Variants in ZBTB20 observed in about 807,000 individuals in gnomAD.
The protein encoded by ZBTB20 is zinc finger and BTB domain-containing protein 20.
ZBTB20 carries 9 observed loss-of-function variants against 56.9 expected under a neutral mutation model. That is an observed-to-expected ratio of 0.16 (90% CI 0.10 to 0.28). The LOEUF is 0.28. Among genes scored for constraint, ZBTB20 ranks in the 10% least tolerant of loss-of-function variants. The probability of loss-of-function intolerance (pLI) is 1.00; values close to 1 mark genes in which losing one functional copy is unlikely to be tolerated. For synonymous variants in ZBTB20, 417 were observed against 420.7 expected (o/e 0.99, Z 0.11); for missense variants, 655 against 1,003.0 (o/e 0.65, Z 4.69).
At chr3:114,494,621 C>T (rs377456795) in intron 7 of ZBTB20, among the ~76,000 whole-genome samples, 1 of 152,180 alleles carries the variant, frequency 6.6e-6, no homozygotes, top group African/African-American at 2.4e-5. Flanking sequence ...AATTTGTAAG[C>T]ACAGGAGTTT....
intron 4 of ZBTB20, among the ~76,000 whole-genome samples, chr3:114,846,648 C>G (rs573178199): frequency 6.6e-6 from 1 of 152,278 alleles, no homozygotes; most frequent in East Asian, 1.9e-4. Context: ...AATACAAATT[C>G]ATTATTTTGC....
At chr3:114,971,976 A>G (rs1019528570) in intron 3 of ZBTB20, among the ~76,000 whole-genome samples, 1 of 150,316 alleles carries the variant, frequency 6.7e-6, no homozygotes, top group African/African-American at 2.5e-5. Flanking sequence ...AATGCAATCC[A>G]TCTCCAAATT....
chr3:114,332,572 A>C lies in ZBTB20; in HGVS notation c.*6433T>G, dbSNP rs1360840487. On this transcript the variant is annotated 3_prime_UTR_variant, in exon 12 of 12. Transcript: ENST00000675478. ...AGGAAAGTTTGGTGCCTCCTCAAGA[A>C]GTCACTATTTCCATAGTCCTCAATC... 1 of 152,232 alleles carries C rather than the reference A, an allele frequency of 6.6e-6. No homozygotes were observed. The highest frequency in any genetic ancestry group is 1.9e-4 in the East Asian group (1 of 5,202). The allele number at this position is 152,232 out of a possible 1,614,324, so 9.4% of individuals were successfully genotyped here.
intron 1 of ZBTB20, among the ~76,000 whole-genome samples, chr3:115,108,886 A>G (rs2083796870): frequency 6.6e-6 from 1 of 152,188 alleles, no homozygotes; most frequent in Non-Finnish European, 1.5e-5. Flanking sequence ...ACCATGGGGA[A>G]AAGTGGCACG....
intron 6 of ZBTB20, among the ~76,000 whole-genome samples, chr3:114,512,077 C>T (rs944037974): frequency 3.3e-5 from 5 of 152,198 alleles, no homozygotes; most frequent in Middle Eastern, 3.4e-3. Flanking sequence ...GTCTGTTAGA[C>T]CAATACAGTA....
At chr3:114,672,630 T>A (rs1322121450) in intron 6 of ZBTB20, among the ~76,000 whole-genome samples, 4 of 152,200 alleles carry the variant, frequency 2.6e-5, no homozygotes, top group African/African-American at 9.6e-5. Flanking sequence ...CATGCATATC[T>A]AACTGTTCTC....
chr3:114,711,210 A>G (rs2064054690), intron 5 of ZBTB20, among the ~76,000 whole-genome samples: 1 of 151,920 alleles, frequency 6.6e-6, no homozygotes, highest in Admixed American at 6.6e-5. Flanking sequence ...TTTTGTTTAC[A>G]TAATTATTGG....
intron 7 of ZBTB20, among the ~76,000 whole-genome samples, chr3:114,416,206 T>C (rs2088530899): frequency 6.6e-6 from 1 of 151,850 alleles, no homozygotes; most frequent in South Asian, 2.1e-4. Flanking sequence ...AATTTTGCTT[T>C]AGATAATGAG....
intron 7 of ZBTB20, among the ~76,000 whole-genome samples, chr3:114,469,941 GCATATGGAACGAAGGT>G (rs1028797725): frequency 2.0e-5 from 3 of 152,028 alleles, no homozygotes; most frequent in Non-Finnish European, 4.4e-5. Flanking sequence ...AATTAAAGAG[GCATATGGAACGAAGGT>G]CAAAATTACT....
intron 10 of ZBTB20, among the ~76,000 whole-genome samples, chr3:114,362,702 C>G (rs2082015464): frequency 6.6e-6 from 1 of 152,080 alleles, no homozygotes; most frequent in African/African-American, 2.4e-5. Context: ...TTCCATTTCC[C>G]CAGAGAGACA....
At chr3:114,956,113 T>A (rs1046287026) in intron 3 of ZBTB20, among the ~76,000 whole-genome samples, 3 of 152,164 alleles carry the variant, frequency 2.0e-5, no homozygotes, top group African/African-American at 7.2e-5. Context: ...GACAAAAGTA[T>A]GCAAAAAAAT....
chr3:114,992,127 T>C lies in ZBTB20; in HGVS notation c.-506-17711A>G, dbSNP rs144928094. 1.2e-3 allele frequency among the ~76,000 whole-genome samples: 178 copies of C among 152,068 alleles called. 1 individual carries two copies. Among genetic ancestry groups the C allele is most frequent in the African/African-American group, 4.2e-3 (173 of 41,512 alleles). On this transcript the variant is annotated intron_variant, in intron 2 of 11. Coordinates refer to ENST00000675478, the MANE Select transcript of ZBTB20 (RefSeq NM_001348800.3). ...CTCCACTAGACATACCCACTCTCTC[T>C]CACAAATAAATACTCACTGTATGAT...
chr3:114,986,756 A>G (rs1234394844), intron 2 of ZBTB20, among the ~76,000 whole-genome samples: 1 of 152,170 alleles, frequency 6.6e-6, no homozygotes, highest in East Asian at 1.9e-4. Context: ...TTGTGTTTTA[A>G]CACCAAAACA....
chr3:115,048,017 G>A (rs544372203), intron 2 of ZBTB20, among the ~76,000 whole-genome samples: 1 of 151,594 alleles, frequency 6.6e-6, no homozygotes, highest in Non-Finnish European at 1.5e-5. Context: ...TCAGGAGATC[G>A]AGACCATCCT....
At chr3:115,029,647 A>AT (rs535198639) in intron 2 of ZBTB20, among the ~76,000 whole-genome samples, 3 of 150,638 alleles carry the variant, frequency 2.0e-5, no homozygotes, top group South Asian at 2.1e-4. Context: ...AAAAACATAG[A>AT]TTTTTTTTCA....
At chr3:114,773,878 T>G (rs929681404) in intron 5 of ZBTB20, among the ~76,000 whole-genome samples, 2 of 152,206 alleles carry the variant, frequency 1.3e-5, no homozygotes, top group Non-Finnish European at 2.9e-5. Flanking sequence ...TGATTATTTA[T>G]TTTTATATGT....
chr3:114,960,772 G>A (rs1019129793), intron 3 of ZBTB20, among the ~76,000 whole-genome samples: 1 of 152,032 alleles, frequency 6.6e-6, no homozygotes, highest in Admixed American at 6.6e-5. Flanking sequence ...GTCTTAGGGA[G>A]ATCCAACATT....
chr3:114,732,200 C>T (rs1369043231), intron 5 of ZBTB20, among the ~76,000 whole-genome samples: 2 of 152,152 alleles, frequency 1.3e-5, no homozygotes, highest in African/African-American at 2.4e-5. Flanking sequence ...CAGAAGATTT[C>T]CACATCTCTA....
chr3:114,707,509 C>T (rs1459495650), intron 5 of ZBTB20, among the ~76,000 whole-genome samples: 3 of 152,172 alleles, frequency 2.0e-5, no homozygotes, highest in Non-Finnish European at 4.4e-5. Flanking sequence ...CAAATATTCT[C>T]CCATTGTGCT....
Sources: gnomAD v4.1 joint callset for allele counts (sites outside exome capture counted in the v4.1 genomes callset) on GRCh38, gnomAD v4.1.1 for gene constraint, MANE v1.5 for transcripts, NCBI Gene and HGNC (gene_info 2026-07-23, HGNC 2026-07-21) for gene names.